COG2: variants seen among roughly 807,000 people sequenced by gnomAD.
COG2 encodes conserved oligomeric Golgi complex subunit 2.
COG2 carries 52 observed loss-of-function variants against 90.6 expected under a neutral mutation model. That is an observed-to-expected ratio of 0.57 (90% CI 0.46 to 0.72). The LOEUF (loss-of-function observed/expected upper bound fraction) is 0.72, where lower values mean the gene tolerates loss of function less well. Among genes scored for constraint, COG2 ranks in the 30% least tolerant of loss-of-function variants. The pLI is 0.00. For synonymous variants in COG2, 337 were observed against 320.4 expected (o/e 1.05, Z -0.55); for missense variants, 829 against 891.2 (o/e 0.93, Z 0.89).
In COG2 at chr1:230,693,235, C is replaced by T. The variant is rs550662772; in HGVS notation, c.2116-57C>T. The T allele has an allele frequency of 7.6e-4, 748 of 980,390 alleles. 4 individuals are homozygous for T. In the African/African-American group the frequency reaches 0.011, roughly 14 times the overall value. The allele number at this position is 980,390 out of a possible 1,614,324, so 60.7% of individuals were successfully genotyped here. The stretch of plus-strand genomic sequence containing the variant: ...ATGAAGATTTTCTTTCTTTTTTTTC[C>T]CCCCCCATATTCAGCTTGAATTGCA... On this transcript the variant is annotated intron_variant, in intron 17 of 17. Coordinates refer to ENST00000366669, the MANE Select transcript of COG2 (RefSeq NM_007357.3).
chr1:230,660,895 AT>A, intron 3 of COG2, 72 bp downstream of exon 3: 1 of 1,039,362 alleles, frequency 9.6e-7, no homozygotes, highest in South Asian at 1.8e-5. Context: ...CCAAAAAAAA[AT>A]TCCTTTAATC....
chr1:230,691,369 T>C lies in COG2; in HGVS notation c.1935-15T>C. On this transcript the variant is annotated splice_polypyrimidine_tract_variant and intron_variant, in intron 16 of 17. Coordinates refer to ENST00000366669, the MANE Select transcript of COG2 (RefSeq NM_007357.3). ...AAATGCCTCTTTTCACCAATAAACGTGTCTTCTATTCAAGGTACTATGAAA... is the reference window on the plus strand; with the variant it reads ...AAATGCCTCTTTTCACCAATAAACGCGTCTTCTATTCAAGGTACTATGAAA... 1 of 1,584,216 alleles carries C rather than the reference T, an allele frequency of 6.3e-7. No individual in the cohort carries two copies. The highest frequency in any genetic ancestry group is 2.3e-5 in the East Asian group (1 of 43,972).
Position 230,654,254 on chromosome 1 carries a change from C to T in COG2, c.73-5210C>T, listed in dbSNP as rs764698852. Reference sequence around the variant, plus strand: ...AGGATTTTTATGGTTTTAGGTCTTACGTTTAAGTCTTTAATCCATCTTGAG... The same window carrying T: ...AGGATTTTTATGGTTTTAGGTCTTATGTTTAAGTCTTTAATCCATCTTGAG... On this transcript the variant is annotated intron_variant, in intron 1 of 17. Coordinates refer to ENST00000366669, the MANE Select transcript of COG2 (RefSeq NM_007357.3). Among the ~76,000 whole-genome samples the T allele has an allele frequency of 6.6e-5, 10 of 152,244 alleles. No individual in the cohort carries two copies. The East Asian group carries it at 9.7e-4, about 15-fold the overall frequency.
At chr1:230,689,187 TAAAA>T (rs60352970) in intron 15 of COG2, among the ~76,000 whole-genome samples, 23,100 of 151,920 alleles carry the variant, frequency 0.15, 1,934 homozygotes, top group African/African-American at 0.24. Flanking sequence ...AAGTTTTTAT[TAAAA>T]AAAATATAAA....
rs143519233 is a variant in COG2 at position 230,668,505 on chromosome 1, G to A, written c.486-171G>A. 2.6e-5 allele frequency among the ~76,000 whole-genome samples: 4 copies of A among 152,264 alleles called. No individual in the cohort carries two copies. In the East Asian group the frequency reaches 7.7e-4, roughly 29 times the overall value. On this transcript the variant is annotated intron_variant, in intron 5 of 17. Transcript: ENST00000366669. ...TGGCGTCTGGGGAACATTGACTGAT[G>A]GCACAAAAGACGCTTTAGCTTTCAC...
At chr1:230,690,192 G>T in intron 16 of COG2, 39 bp downstream of exon 16, 1 of 1,596,462 alleles carries the variant, frequency 6.3e-7, no homozygotes, top group South Asian at 1.1e-5. Context: ...GCCTTGCTTA[G>T]AAGAGTCTGC....
At chr1:230,680,477 G>A (rs1419373579) in intron 10 of COG2, 1 of 152,128 alleles carries the variant, frequency 6.6e-6, no homozygotes, top group Non-Finnish European at 1.5e-5. Flanking sequence ...GGCTCTGCCA[G>A]GCTGGGCCCC....
At chr1:230,672,318 G>A (rs1662467267) in intron 8 of COG2, among the ~76,000 whole-genome samples, 1 of 152,160 alleles carries the variant, frequency 6.6e-6, no homozygotes, top group African/African-American at 2.4e-5. Context: ...AGGGCATGAG[G>A]CCCTTTTTGT....
At chr1:230,645,233 CAAAAAAAAAAAAAA>C (rs57806034) in intron 1 of COG2, among the ~76,000 whole-genome samples, 1 of 91,062 alleles carries the variant, frequency 1.1e-5, no homozygotes, top group African/African-American at 4.2e-5. Flanking sequence ...GAGACCCTGT[CAAAAAAAAAAAAAA>C]AAAAAAAAAG....
In COG2 at chr1:230,693,434, A is replaced by C. The variant is rs1466744088; in HGVS notation, c.*41A>C. 1.5e-6 allele frequency: 2 copies of C among 1,327,102 alleles called. No homozygotes were observed. The highest frequency in any genetic ancestry group is 2.1e-6 in the Non-Finnish European group (2 of 932,120). The allele number at this position is 1,327,102 out of a possible 1,614,324, so 82.2% of individuals were successfully genotyped here. A position where few individuals can be genotyped will look rare whatever the true frequency, so the allele number is the denominator to read the frequency against. On this transcript the variant is annotated 3_prime_UTR_variant, in exon 18 of 18. Transcript: ENST00000366669. ...CCGAGGTTAGATTCTTAAGCAAGAG[A>C]AGAGTTGGACTTCCAGGCTGAAGGG... is the stretch of plus-strand genomic sequence containing the variant.
intron 9 of COG2, among the ~76,000 whole-genome samples, chr1:230,675,943 C>T (rs529404402): frequency 6.6e-6 from 1 of 152,158 alleles, no homozygotes; most frequent in African/African-American, 2.4e-5. Flanking sequence ...CCCCCATGTC[C>T]AGCCCTATTC....
Position 230,675,141 on chromosome 1 carries a change from C to T in COG2, c.1026+17C>T, listed in dbSNP as rs369760712. 96 of 1,601,186 alleles carry T rather than the reference C, an allele frequency of 6.0e-5. No homozygotes were observed. The highest frequency in any genetic ancestry group is 7.6e-5 in the Non-Finnish European group (89 of 1,173,426). On this transcript the variant is annotated intron_variant, in intron 9 of 17. Coordinates refer to ENST00000366669, the MANE Select transcript of COG2 (RefSeq NM_007357.3). ...TTTCATGAGGTATCTCCCCGCCCGT[C>T]GTCTTGATTCTTGAAGATGTTAACC...
chr1:230,691,838 A>G, intron 17 of COG2: 1 of 359,808 alleles, frequency 2.8e-6, no homozygotes, highest in Non-Finnish European at 5.0e-6. Context: ...CACGGAGCTC[A>G]CTACAGTGAG....
At chr1:230,682,490 G>A (rs1039281359) in intron 10 of COG2, 1 of 152,278 alleles carries the variant, frequency 6.6e-6, no homozygotes, top group South Asian at 2.1e-4. Flanking sequence ...GGCAATTAGA[G>A]TTCCTTTCCT....
Position 230,642,500 on chromosome 1 carries a change from C to T in COG2, c.-107C>T, listed in dbSNP as rs985994038. ...GCTGCCATGTTGGCGGAAGCGGACC[C>T]CCCTGTGCCGTGGAAACTGGCGGTG... On this transcript the variant is annotated 5_prime_UTR_variant, in exon 1 of 18. Transcript: ENST00000366669. 9 of 1,106,738 alleles carry T rather than the reference C, an allele frequency of 8.1e-6. No individual in the cohort carries two copies. The highest frequency in any genetic ancestry group is 1.1e-5 in the Non-Finnish European group (8 of 754,406). The allele number at this position is 1,106,738 out of a possible 1,614,324, so 68.6% of individuals were successfully genotyped here. A position where few individuals can be genotyped will look rare whatever the true frequency, so the allele number is the denominator to read the frequency against.
rs114389872 is a variant in COG2 at position 230,674,799 on chromosome 1, C to A, written c.900-199C>A. On this transcript the variant is annotated intron_variant, in intron 8 of 17. Transcript: ENST00000366669. ...AGGAGTCAGGATCTAGGAGATTTGCCAGGTTTGAGGTGAGACTGAAATTAA... is the reference window on the plus strand; with the variant it reads ...AGGAGTCAGGATCTAGGAGATTTGCAAGGTTTGAGGTGAGACTGAAATTAA... Among the ~76,000 whole-genome samples, 4,034 of 152,144 alleles carry A rather than the reference C, an allele frequency of 0.027. 115 individuals carry two copies. The highest frequency in any genetic ancestry group is 0.044 in the Middle Eastern group (13 of 294).
At chr1:230,676,488 T>C (rs1025990670) in intron 9 of COG2, among the ~76,000 whole-genome samples, 2 of 152,168 alleles carry the variant, frequency 1.3e-5, no homozygotes, top group South Asian at 2.1e-4. Flanking sequence ...ACACCAACCA[T>C]CCCTTCTCAT....
At chr1:230,653,798 G>A (rs904496607) in intron 1 of COG2, among the ~76,000 whole-genome samples, 5 of 152,260 alleles carry the variant, frequency 3.3e-5, no homozygotes, top group Middle Eastern at 3.4e-3. Context: ...AGGGCATCAT[G>A]TGGCAGAAGT....
rs1282703399 is a variant in COG2, at chr1:230,671,569, T to C, written c.828T>C (p.Tyr276=). 1.4e-5 allele frequency: 23 copies of C among 1,613,478 alleles called. No homozygotes were observed. Among genetic ancestry groups the C allele is most frequent in the Non-Finnish European group, 1.9e-5 (23 of 1,179,520 alleles). The change falls in exon 8 of 18, where the codon TAT becomes TAC. Residue 276 remains tyrosine (Y), a synonymous_variant. Transcript: ENST00000366669. Reference sequence around the variant, plus strand: ...ATCCCAATGGCCTTCAGGTCATGTATAATAAACTCCTGGAGTTTGTTCCTC... The same window carrying C: ...ATCCCAATGGCCTTCAGGTCATGTACAATAAACTCCTGGAGTTTGTTCCTC... ...ESHPNGLQVM[Y]NKLLEFVPHH...
Sources: gnomAD v4.1 joint callset for allele counts (sites outside exome capture counted in the v4.1 genomes callset) on GRCh38, gnomAD v4.1.1 for gene constraint, MANE v1.5 for transcripts, NCBI Gene and HGNC (gene_info 2026-07-23, HGNC 2026-07-21) for gene names.